PCBP3: variants seen among roughly 807,000 people sequenced by gnomAD.
The protein encoded by PCBP3 is poly(rC)-binding protein 3.
In PCBP3, 25 loss-of-function variants were observed where a neutral mutation model predicts 52.7. The ratio of observed to expected loss-of-function variants is 0.47; its 90% CI spans 0.35 to 0.66. The LOEUF (loss-of-function observed/expected upper bound fraction) is 0.66. PCBP3 is among the 30% of genes least tolerant of loss of function. PCBP3 has a pLI of 0.01. For synonymous variants in PCBP3, 162 were observed against 183.0 expected (o/e 0.89, Z 0.93); for missense variants, 391 against 490.3 (o/e 0.80, Z 1.91).
intron 2 of PCBP3, among the ~76,000 whole-genome samples, chr21:45,727,424 G>T (rs2085131592): frequency 1.3e-5 from 2 of 152,218 alleles, no homozygotes; most frequent in Non-Finnish European, 2.9e-5. Flanking sequence ...CATGAAGGAA[G>T]AAAGTGTTTG....
chr21:45,832,419 A>T (rs1421741358), intron 4 of PCBP3, among the ~76,000 whole-genome samples: 1 of 152,166 alleles, frequency 6.6e-6, no homozygotes, highest in Non-Finnish European at 1.5e-5. Context: ...CCATCTGGGA[A>T]TGCAGCCCAA....
At chr21:45,835,452 G>A (rs914541211) in intron 4 of PCBP3, among the ~76,000 whole-genome samples, 6 of 152,172 alleles carry the variant, frequency 3.9e-5, no homozygotes, top group Admixed American at 1.3e-4. Context: ...CCTCCCTGCC[G>A]GCCGTCAGCT....
At chr21:45,839,750 G>A (rs751439711) in intron 4 of PCBP3, among the ~76,000 whole-genome samples, 6 of 152,124 alleles carry the variant, frequency 3.9e-5, no homozygotes, top group Admixed American at 1.3e-4. Flanking sequence ...GCAGTGGTAC[G>A]AACTCGGCTC....
At chr21:45,797,733 G>A (rs1339883555) in intron 4 of PCBP3, among the ~76,000 whole-genome samples, 11 of 133,770 alleles carry the variant, frequency 8.2e-5, no homozygotes, top group Non-Finnish European at 1.1e-4. Context: ...GGATGGACGA[G>A]TGCGTGGATC....
intron 2 of PCBP3, among the ~76,000 whole-genome samples, chr21:45,692,248 G>C (rs1403782613): frequency 1.3e-5 from 2 of 151,840 alleles, no homozygotes; most frequent in Admixed American, 6.6e-5. Flanking sequence ...ACTAGAAGAA[G>C]AACAGCAAAA....
intron 5 of PCBP3, among the ~76,000 whole-genome samples, chr21:45,855,901 C>G (rs1236076980): frequency 6.6e-6 from 1 of 152,238 alleles, no homozygotes; most frequent in African/African-American, 2.4e-5. Flanking sequence ...ATCTAAGGAG[C>G]CTGGGGAGTC....
At chr21:45,794,882 T>C (rs1408757543) in intron 4 of PCBP3, among the ~76,000 whole-genome samples, 2 of 151,212 alleles carry the variant, frequency 1.3e-5, no homozygotes, top group African/African-American at 2.4e-5. Context: ...TGAGCCGAGA[T>C]TGCGCCACTG....
chr21:45,669,819 A>G (rs572406949), intron 2 of PCBP3, among the ~76,000 whole-genome samples: 2,667 of 122,084 alleles, frequency 0.022, 39 homozygotes, highest in Middle Eastern at 0.043. Context: ...ATATATATAT[A>G]TATATATATA....
intron 1 of PCBP3, among the ~76,000 whole-genome samples, chr21:45,654,104 G>A (rs1165672020): frequency 2.0e-5 from 3 of 151,730 alleles, no homozygotes; most frequent in Admixed American, 6.6e-5. Flanking sequence ...TAATATTAAC[G>A]GTATTATATT....
intron 4 of PCBP3, among the ~76,000 whole-genome samples, chr21:45,813,739 C>A (rs943435601): frequency 6.6e-6 from 1 of 152,234 alleles, no homozygotes; most frequent in Non-Finnish European, 1.5e-5. Flanking sequence ...CCACCACACC[C>A]AGCCTTCCTT....
chr21:45,653,464 T>C (rs1167792169), intron 1 of PCBP3, among the ~76,000 whole-genome samples: 1 of 152,166 alleles, frequency 6.6e-6, no homozygotes. Context: ...GAGACTTTAA[T>C]TATTATGACT....
At position 45,840,295 on chromosome 21, in the gene PCBP3, A is replaced by G. The variant is rs184885946; in HGVS notation, c.-125-9666A>G. On this transcript the variant is annotated intron_variant, in intron 4 of 17. Transcript: ENST00000681687. ...GTGAAACCCTGTCTCTACTAAAAAAAAATTTTAAAAAATTAGCCAGGCATG... is the reference window on the plus strand; with the variant it reads ...GTGAAACCCTGTCTCTACTAAAAAAGAATTTTAAAAAATTAGCCAGGCATG... 3.0e-4 allele frequency among the ~76,000 whole-genome samples: 46 copies of G among 151,572 alleles called. 1 individual carries two copies. In the East Asian group the frequency reaches 8.7e-3, roughly 29 times the overall value.
intron 4 of PCBP3, among the ~76,000 whole-genome samples, chr21:45,811,683 G>GT (rs1461131065): frequency 2.6e-5 from 4 of 152,192 alleles, no homozygotes; most frequent in Non-Finnish European, 5.9e-5. Flanking sequence ...ATGTTGGCTT[G>GT]CTAGGATCAG....
chr21:45,906,707 G>A (rs1023649241), intron 9 of PCBP3, among the ~76,000 whole-genome samples: 4 of 152,156 alleles, frequency 2.6e-5, no homozygotes, highest in Admixed American at 1.3e-4. Context: ...GGGCCGAGGA[G>A]TTCTCCGGGA....
intron 10 of PCBP3, 136 bp downstream of exon 10, chr21:45,909,622 C>T (rs2096286334): frequency 3.8e-6 from 3 of 794,892 alleles, no homozygotes; most frequent in Non-Finnish European, 5.9e-6. Context: ...GACCCCACAG[C>T]TCAAAGTGCG....
chr21:45,921,045 C>T (rs1447529853), intron 13 of PCBP3, among the ~76,000 whole-genome samples: 2 of 152,130 alleles, frequency 1.3e-5, no homozygotes, highest in African/African-American at 4.8e-5. Context: ...TTCCATGGTG[C>T]TTTTCTTGCA....
intron 2 of PCBP3, among the ~76,000 whole-genome samples, chr21:45,686,533 AC>A (rs1240433432): frequency 1.3e-5 from 2 of 152,214 alleles, no homozygotes; most frequent in African/African-American, 4.8e-5. Context: ...AAGCTATTGG[AC>A]CTACAAAGAA....
At chr21:45,881,670 G>T (rs2095408929) in intron 5 of PCBP3, among the ~76,000 whole-genome samples, 1 of 152,156 alleles carries the variant, frequency 6.6e-6, no homozygotes, top group South Asian at 2.1e-4. Context: ...CAGCCTGTTT[G>T]ACTCCCGTCT....
At chr21:45,855,960 A>G (rs1478534878) in intron 5 of PCBP3, among the ~76,000 whole-genome samples, 2 of 152,262 alleles carry the variant, frequency 1.3e-5, no homozygotes, top group East Asian at 1.9e-4. Flanking sequence ...ATTTAACCCA[A>G]TATAACGTGG....
Sources: allele counts gnomAD v4.1 joint callset (sites outside exome capture counted in the v4.1 genomes callset), GRCh38; gene constraint gnomAD v4.1.1; transcripts MANE v1.5; gene names NCBI Gene and HGNC (gene_info 2026-07-23, HGNC 2026-07-21).